The following FAM9C variants were observed in gnomAD, a reference collection of about 807,000 sequenced individuals.
FAM9C encodes family with sequence similarity 9 member C, also known as protein FAM9C.
In FAM9C, 15 loss-of-function variants were observed where a neutral mutation model predicts 14.8. The ratio of observed to expected loss-of-function variants is 1.02; its 90% confidence interval spans 0.68 to 1.56. The LOEUF is 1.56. Ranked by LOEUF, FAM9C falls within the 40% of genes most tolerant of loss-of-function variation. The probability of loss-of-function intolerance (pLI) is 0.00; values close to 1 mark genes in which losing one functional copy is unlikely to be tolerated. For synonymous variants in FAM9C, 45 were observed against 37.5 expected (o/e 1.20, Z -0.74); for missense variants, 116 against 118.0 (o/e 0.98, Z 0.08).
intron 1 of FAM9C, among the ~76,000 whole-genome samples, chrX:13,044,087 G>A (rs2043553488): frequency 8.9e-6 from 1 of 112,238 alleles, no homozygotes. Context: ...GTGCCCTTGG[G>A]ACAGAGCCTG....
intron 1 of FAM9C, among the ~76,000 whole-genome samples, 199 bp from the exon 2 acceptor site, chrX:13,044,056 G>A (rs1260047893): frequency 8.9e-6 from 1 of 112,360 alleles, no homozygotes; most frequent in African/African-American, 3.2e-5. Context: ...AGAATTCCGC[G>A]GCCTCTGCGG....
At chrX:13,038,529 T>G (rs200586729) in intron 6 of FAM9C, 26 bp from the exon 7 acceptor site, 87 of 1,164,718 alleles carry the variant, frequency 7.5e-5, no homozygotes, top group Non-Finnish European at 1.0e-4. Context: ...AAAAAAGTGA[T>G]TAAAATTGGG....
chrX:13,039,405 T>C (rs1344156920), intron 6 of FAM9C, among the ~76,000 whole-genome samples: 1 of 110,946 alleles, frequency 9.0e-6, no homozygotes, highest in African/African-American at 3.3e-5. Flanking sequence ...ATGGAGCACT[T>C]TTCACTGCCC....
intron 5 of FAM9C, chrX:13,040,294 G>A: frequency 2.7e-6 from 2 of 752,642 alleles, no homozygotes; most frequent in Non-Finnish European, 1.6e-6. Flanking sequence ...AAGATTTCCC[G>A]AAAGAAATAC....
At chrX:13,044,325 C>CCA (rs1233448457) in intron 1 of FAM9C, among the ~76,000 whole-genome samples, 1 of 102,313 alleles carries the variant, frequency 9.8e-6, no homozygotes, top group African/African-American at 3.5e-5. Flanking sequence ...CCCCCGACCC[C>CCA]CCCCCAAACG....
intron 5 of FAM9C, among the ~76,000 whole-genome samples, 153 bp from the exon 6 acceptor site, chrX:13,040,069 G>A (rs760008099): frequency 3.6e-5 from 4 of 112,270 alleles, no homozygotes; most frequent in Admixed American, 1.9e-4. Flanking sequence ...GGTGAAATGA[G>A]TTACTGTCAT....
intron 2 of FAM9C, 127 bp downstream of exon 2, chrX:13,043,602 C>G: frequency 1.2e-6 from 1 of 817,153 alleles, no homozygotes; most frequent in South Asian, 2.3e-5. Context: ...CATCTCAGCA[C>G]ATGCACGGTG....
intron 7 of FAM9C, chrX:13,037,882 G>C (rs1217048924): frequency 1.8e-5 from 2 of 113,080 alleles, no homozygotes; most frequent in African/African-American, 6.5e-5. Flanking sequence ...ACCATTACTA[G>C]TCACTAATAA....
chrX:13,040,480 C>T (rs2043516356), intron 5 of FAM9C: 2 of 257,556 alleles, frequency 7.8e-6, no homozygotes, highest in Non-Finnish European at 1.2e-5. Context: ...ATTCACCTAC[C>T]GTATTTCTAG....
rs745920253 is a variant in FAM9C at position 13,038,644 on chromosome X, T to C, written c.439-141A>G. Reference sequence around the variant, plus strand: ...AACGTTTATGACCAATTTGAAACAATTGTGTTCACCACTCATGTGCTAAAA... The same window carrying C: ...AACGTTTATGACCAATTTGAAACAACTGTGTTCACCACTCATGTGCTAAAA... On this transcript the variant is annotated intron_variant, in intron 6 of 7. Coordinates refer to ENST00000380625, the MANE Select transcript of FAM9C (RefSeq NM_174901.6). The C allele has an allele frequency of 1.6e-4, 78 of 492,462 alleles. 1 individual carries two copies. The South Asian group carries it at 3.1e-3, about 19-fold the overall frequency. 40.6% of individuals were successfully genotyped at this position (492,462 alleles called of 1,213,427 possible).
intron 2 of FAM9C, 124 bp from the exon 3 acceptor site, chrX:13,043,372 G>GCT: frequency 1.1e-6 from 1 of 934,609 alleles, no homozygotes; most frequent in Non-Finnish European, 1.5e-6. Context: ...TTACCGCAGA[G>GCT]CTATACATGG....
intron 7 of FAM9C, chrX:13,037,363 G>A (rs1349429459): frequency 8.9e-6 from 1 of 112,330 alleles, no homozygotes; most frequent in Non-Finnish European, 1.9e-5. Context: ...GAAAGATAAT[G>A]GACTCAGAAG....
intron 5 of FAM9C, among the ~76,000 whole-genome samples, 184 bp from the exon 6 acceptor site, chrX:13,040,100 A>G (rs1398618931): frequency 1.8e-5 from 2 of 112,392 alleles, no homozygotes; most frequent in Admixed American, 9.4e-5. Flanking sequence ...TCCCTTCCTA[A>G]CTGACTACTA....
intron 6 of FAM9C, 62 bp from the exon 7 acceptor site, chrX:13,038,565 C>G: frequency 2.0e-6 from 2 of 1,004,063 alleles, no homozygotes; most frequent in Non-Finnish European, 2.7e-6. Context: ...ATAAAACATT[C>G]TGCATTAAAG....
intron 4 of FAM9C, chrX:13,041,593 A>G (rs1452847690): frequency 8.9e-6 from 1 of 112,486 alleles, no homozygotes; most frequent in Non-Finnish European, 1.9e-5. Context: ...AAGACCATCA[A>G]AAGGGTAGAA....
rs759992779 is a variant in FAM9C, at chrX:13,043,139, A to G, written c.171T>C (p.Asp57=). Reference sequence around the variant, plus strand: ...CTTAAACACTTTACCCCGTGTGTTCATCTGTTTCAGCAAAAGATCCTCTTT... The same window carrying G: ...CTTAAACACTTTACCCCGTGTGTTCGTCTGTTTCAGCAAAAGATCCTCTTT... ...HGERGSFAET[D]EHTGVDTKEL... The change falls in exon 3 of 8, where the codon GAT becomes GAC. Residue 57 remains aspartate (D), a synonymous_variant. Transcript: ENST00000380625. 1 of 1,208,686 alleles carries G rather than the reference A, an allele frequency of 8.3e-7. No homozygotes were observed. Among genetic ancestry groups the G allele is most frequent in the Non-Finnish European group, 1.1e-6 (1 of 894,522 alleles).
At chrX:13,041,264 T>G (rs1225611720) in intron 4 of FAM9C, 1 of 108,737 alleles carries the variant, frequency 9.2e-6, no homozygotes, top group Non-Finnish European at 1.9e-5. Flanking sequence ...AGCCTCCGCC[T>G]CCCGGGTTCA....
In FAM9C at chrX:13,043,215, C is replaced by G; in HGVS notation, c.95G>C (p.Arg32Thr). Reference protein sequence around the residue: ...KDPVSHEHEERKPVTETKEGD... With the variant: ...KDPVSHEHEETKPVTETKEGD... ...CTCCTTTGTCTCTGTAACAGGTTTT[C>G]TTTCCTCATGCTCATGACTTACTGG... The change falls in exon 3 of 8, where the codon AGA becomes ACA. Residue 32 changes from arginine to threonine, a missense_variant. Coordinates refer to ENST00000380625, the MANE Select transcript of FAM9C (RefSeq NM_174901.6). 1 of 1,209,100 alleles carries G rather than the reference C, an allele frequency of 8.3e-7. No homozygotes were observed. The highest frequency in any genetic ancestry group is 1.1e-6 in the Non-Finnish European group (1 of 894,463).
At chrX:13,039,951 A>T in intron 5 of FAM9C, 35 bp from the exon 6 acceptor site, 1 of 1,093,763 alleles carries the variant, frequency 9.1e-7, no homozygotes, top group Non-Finnish European at 1.2e-6. Context: ...GTCATACGTC[A>T]TAGAGGGATG....
Sources: gnomAD v4.1 joint callset for allele counts (sites outside exome capture counted in the v4.1 genomes callset) on GRCh38, gnomAD v4.1.1 for gene constraint, MANE v1.5 for transcripts, NCBI Gene and HGNC (gene_info 2026-07-23, HGNC 2026-07-21) for gene names.